The following NMT1 variants were observed in gnomAD, a reference collection of about 807,000 sequenced individuals.
NMT1 encodes the protein glycylpeptide N-tetradecanoyltransferase 1.
A neutral mutation model predicts 63.4 loss-of-function variants in NMT1; 12 were observed. That is an observed-to-expected ratio of 0.19 (90% CI 0.12 to 0.31). The LOEUF (loss-of-function observed/expected upper bound fraction) is 0.31, where lower values mean the gene tolerates loss of function less well. NMT1 is among the 10% of genes least tolerant of loss of function. The probability of loss-of-function intolerance (pLI) is 1.00; values close to 1 mark genes in which losing one functional copy is unlikely to be tolerated. For missense variants in NMT1, 432 were observed against 634.6 expected (o/e 0.68, Z 3.43); for synonymous variants, 228 against 234.3 (o/e 0.97, Z 0.25).
Position 45,105,554 on chromosome 17 carries a change from G to C in NMT1, c.1471-65G>C, listed in dbSNP as rs554772074. The C allele has an allele frequency of 1.2e-5, 19 of 1,583,872 alleles. No individual in the cohort carries two copies. Among genetic ancestry groups the C allele is most frequent in the Middle Eastern group, 1.7e-4 (1 of 6,012 alleles). On this transcript the variant is annotated intron_variant, in intron 11 of 11. Transcript: ENST00000258960. This position sits in a 1 kb window ranked among gnomAD's most constrained non-coding sequence, Gnocchi z 4.2. ...CAGCCACTCGGAACTTCAGGGATAG[G>C]GGGTGTGGGAGAGTCTTTGGGCCAC...
At chr17:45,073,628 AC>A (rs2053957256) in intron 1 of NMT1, among the ~76,000 whole-genome samples, 1 of 152,090 alleles carries the variant, frequency 6.6e-6, no homozygotes, top group African/African-American at 2.4e-5. Context: ...CCTCTCAAAC[AC>A]CAAAGCTGTG....
In NMT1 at chr17:45,102,963, G is replaced by A. The variant is rs760138330; in HGVS notation, c.1006G>A (p.Ala336Thr). The A allele has an allele frequency of 3.7e-5, 59 of 1,611,770 alleles. No homozygotes were observed. Among genetic ancestry groups the A allele is most frequent in the Middle Eastern group, 1.6e-4 (1 of 6,072 alleles). ...GTCTTGCCTCCAGACTCCCAAGACA[G>A]CTGGGCTGCGACCAATGGAAACAAA... ...LYRLPETPKTAGLRPMETKDI... is the reference protein window; with the variant it reads ...LYRLPETPKTTGLRPMETKDI... Residue 336 changes from alanine to threonine, a missense_variant, in exon 9 of 12, where the codon GCT becomes ACT. Physicochemically the swap from Ala to Thr is moderately conservative, Grantham distance 58 (BLOSUM62 0). This residue lies in a region of NMT1 where 295 missense variants were observed against 489.7 expected (regional missense o/e 0.60). Transcript: ENST00000258960.
At chr17:45,094,876 G>A (rs557618464) in intron 4 of NMT1, among the ~76,000 whole-genome samples, 2 of 142,260 alleles carry the variant, frequency 1.4e-5, no homozygotes, top group East Asian at 2.1e-4. Context: ...GCAGTGGCGC[G>A]ATCTTGGCTT....
intron 8 of NMT1, 87 bp from the exon 9 acceptor site, chr17:45,102,862 TTC>T: frequency 7.9e-7 from 1 of 1,267,808 alleles, no homozygotes; most frequent in Admixed American, 2.3e-5. Flanking sequence ...TGACCAGGGA[TTC>T]TCTCTTGAGG....
At chr17:45,074,085 C>T (rs576710445) in intron 1 of NMT1, among the ~76,000 whole-genome samples, 1 of 152,130 alleles carries the variant, frequency 6.6e-6, no homozygotes, top group Non-Finnish European at 1.5e-5. Context: ...CCCAGCATTG[C>T]GCTCTATTTC....
At chr17:45,076,799 G>A (rs961961243) in intron 1 of NMT1, among the ~76,000 whole-genome samples, 2 of 151,884 alleles carry the variant, frequency 1.3e-5, no homozygotes, top group South Asian at 4.1e-4. Context: ...TTCTTCAGCC[G>A]TGTGCTTGAT....
intron 2 of NMT1, chr17:45,083,682 G>A (rs1016902129): frequency 1.3e-5 from 2 of 152,082 alleles, no homozygotes; most frequent in Non-Finnish European, 2.9e-5. Flanking sequence ...GTACGAACAT[G>A]GCTGACCGCA....
At chr17:45,080,822 A>G (rs1386930178) in intron 1 of NMT1, among the ~76,000 whole-genome samples, 1 of 151,312 alleles carries the variant, frequency 6.6e-6, no homozygotes, top group Non-Finnish European at 1.5e-5. Flanking sequence ...GCTGGAGTGC[A>G]ATGACGTGAT....
At chr17:45,090,037 C>T (rs2054077859) in intron 3 of NMT1, among the ~76,000 whole-genome samples, 1 of 152,016 alleles carries the variant, frequency 6.6e-6, no homozygotes, top group Non-Finnish European at 1.5e-5. Flanking sequence ...AATCCCAGCA[C>T]TTTGGGAGGC....
intron 4 of NMT1, among the ~76,000 whole-genome samples, chr17:45,094,339 A>G (rs1028445413): frequency 6.6e-5 from 10 of 151,546 alleles, no homozygotes; most frequent in African/African-American, 2.4e-4. Context: ...CTAAAAATAC[A>G]AAAAATTAGC....
At chr17:45,067,893 G>A (rs372594199) in intron 1 of NMT1, among the ~76,000 whole-genome samples, 5 of 152,346 alleles carry the variant, frequency 3.3e-5, no homozygotes, top group African/African-American at 1.2e-4. Flanking sequence ...TGGCACAGCA[G>A]TTTTGCTGAT....
intron 1 of NMT1, 78 bp from the exon 2 acceptor site, chr17:45,081,566 C>A: frequency 7.8e-7 from 1 of 1,274,754 alleles, no homozygotes; most frequent in Non-Finnish European, 1.1e-6. Context: ...GGTCTGGCTC[C>A]ACAGAAAGCT....
intron 3 of NMT1, 94 bp from the exon 4 acceptor site, chr17:45,093,591 A>G: frequency 1.1e-6 from 1 of 919,798 alleles, no homozygotes; most frequent in African/African-American, 1.6e-5. Flanking sequence ...GCTCCTAGGG[A>G]CAGGAGGAAT....
At chr17:45,098,275 C>G (rs1270877337) in intron 6 of NMT1, 107 bp from the exon 7 acceptor site, 1 of 1,029,582 alleles carries the variant, frequency 9.7e-7, no homozygotes, top group Non-Finnish European at 1.5e-6. Flanking sequence ...TAAAAGTACA[C>G]CCGTGCTGCA....
At chr17:45,090,094 A>G (rs1355950289) in intron 3 of NMT1, among the ~76,000 whole-genome samples, 2 of 151,910 alleles carry the variant, frequency 1.3e-5, no homozygotes, top group African/African-American at 2.4e-5. Context: ...ACCAGCCTGG[A>G]CAACAGGGAA....
At position 45,105,496 on chromosome 17, in the gene NMT1, C is replaced by G; in HGVS notation, c.1471-123C>G. On this transcript the variant is annotated intron_variant, in intron 11 of 11. Coordinates refer to ENST00000258960, the MANE Select transcript of NMT1 (RefSeq NM_021079.5). This position sits in a 1 kb window ranked among gnomAD's most constrained non-coding sequence, Gnocchi z 4.2. ...AGTGTGGGGCCGGCTGGGTGTGAGTCTGCTCCCACAGCACAGGCGGTGGAC... is the reference window on the plus strand; with the variant it reads ...AGTGTGGGGCCGGCTGGGTGTGAGTGTGCTCCCACAGCACAGGCGGTGGAC... The G allele has an allele frequency of 9.6e-7, 1 of 1,040,536 alleles. No individual in the cohort carries two copies. The highest frequency in any genetic ancestry group is 1.5e-6 in the Non-Finnish European group (1 of 673,682). 64.5% of individuals were successfully genotyped at this position (1,040,536 alleles called of 1,614,324 possible).
intron 3 of NMT1, 130 bp from the exon 4 acceptor site, chr17:45,093,555 A>G: frequency 1.5e-6 from 1 of 679,356 alleles, no homozygotes; most frequent in Non-Finnish European, 2.5e-6. Context: ...GCAGTTGCCA[A>G]GCACAGAATG....
chr17:45,104,551 G>T lies in NMT1; in HGVS notation c.1333-308G>T. On this transcript the variant is annotated intron_variant, in intron 10 of 11. Coordinates refer to ENST00000258960, the MANE Select transcript of NMT1 (RefSeq NM_021079.5). This position sits in a 1 kb window ranked among gnomAD's most constrained non-coding sequence, Gnocchi z 4.2. ...ATGGGCTCAGGGTTTGGACTCCAGA[G>T]AGGACTGTGGAAATTACTAGAGTTT... The T allele has an allele frequency of 8.5e-7, 1 of 1,175,426 alleles. No individual in the cohort carries two copies. Among genetic ancestry groups the T allele is most frequent in the Non-Finnish European group, 1.1e-6 (1 of 945,156 alleles). The allele number at this position is 1,175,426 out of a possible 1,614,324, so 72.8% of individuals were successfully genotyped here. A position where few individuals can be genotyped will look rare whatever the true frequency, so the allele number is the denominator to read the frequency against.
chr17:45,082,499 A>T (rs569406482), intron 2 of NMT1, among the ~76,000 whole-genome samples: 1 of 152,196 alleles, frequency 6.6e-6, no homozygotes. Context: ...TGAGTCCCAC[A>T]GAGTCTTTCT....
Sources: gnomAD v4.1 joint callset for allele counts (sites outside exome capture counted in the v4.1 genomes callset) on GRCh38, gnomAD v4.1.1 for gene constraint, gnomAD v4.1.1 regional missense constraint, Gnocchi (gnomAD v3.1) non-coding constraint, MANE v1.5 for transcripts, NCBI Gene and HGNC (gene_info 2026-07-23, HGNC 2026-07-21) for gene names.